The following STEAP2 variants were observed in gnomAD, a reference collection of about 807,000 sequenced individuals.
STEAP2 encodes STEAP2 metalloreductase.
Under a neutral mutation model 46.4 loss-of-function variants are expected in STEAP2, and 30 were observed. The observed-to-expected ratio is 0.65, with a 90% confidence interval of 0.48 to 0.88. The LOEUF (loss-of-function observed/expected upper bound fraction) is 0.88, where lower values mean the gene tolerates loss of function less well. Among genes scored for constraint, STEAP2 ranks in the 40% least tolerant of loss-of-function variants. The probability of loss-of-function intolerance (pLI) is 0.00; values close to 1 mark genes in which losing one functional copy is unlikely to be tolerated. For missense variants in STEAP2, 513 were observed against 579.3 expected, an observed-to-expected ratio of 0.89 and a Z score of 1.18; for synonymous variants, 180 against 200.5, an observed-to-expected ratio of 0.90 and a Z score of 0.86.
In STEAP2 at chr7:90,234,907, C is replaced by A. The variant is rs17869231; in HGVS notation, c.*2283C>A. 1.1e-3 allele frequency: 1,116 copies of A among 985,060 alleles called. 8 individuals are homozygous for A. The African/African-American group carries it at 0.019, about 16-fold the overall frequency. 61.0% of individuals were successfully genotyped at this position (985,060 alleles called of 1,614,324 possible). A position where few individuals can be genotyped will look rare whatever the true frequency, so the allele number is the denominator to read the frequency against. ...TATTTTCTTTATTTTAATAATATTT[C>A]TCCCCACTTGAGAATCACTTGTTAG... is the stretch of plus-strand genomic sequence containing the variant. On this transcript the variant is annotated 3_prime_UTR_variant, in exon 6 of 6. Transcript: ENST00000394621.
intron 2 of STEAP2, among the ~76,000 whole-genome samples, chr7:90,217,737 C>T (rs1584226536): frequency 7.0e-6 from 1 of 142,850 alleles, no homozygotes; most frequent in Non-Finnish European, 1.5e-5. Flanking sequence ...CATGTGAGGA[C>T]GGGTATCTCT....
rs756739557 is a variant in STEAP2 at position 90,234,004 on chromosome 7, G to A, written c.*1380G>A. 193 of 985,172 alleles carry A rather than the reference G, an allele frequency of 2.0e-4. No individual in the cohort carries two copies. Among genetic ancestry groups the A allele is most frequent in the Non-Finnish European group, 2.2e-4 (182 of 829,922 alleles). 61.0% of individuals were successfully genotyped at this position (985,172 alleles called of 1,614,324 possible). On this transcript the variant is annotated 3_prime_UTR_variant, in exon 6 of 6. Transcript: ENST00000394621. ...CCATATGCCTCCCTATGCAGTGAAG[G>A]GCCCTAGCAGTGTTAACAAATTGCT... is the stretch of plus-strand genomic sequence containing the variant.
At chr7:90,214,972 G>C (rs772616192) in intron 1 of STEAP2, among the ~76,000 whole-genome samples, 1 of 152,096 alleles carries the variant, frequency 6.6e-6, no homozygotes, top group African/African-American at 2.4e-5. Context: ...TAGCTATTAG[G>C]GTAGAGAGGA....
intron 2 of STEAP2, among the ~76,000 whole-genome samples, chr7:90,221,036 G>A (rs1266796154): frequency 6.6e-6 from 1 of 152,074 alleles, no homozygotes; most frequent in East Asian, 1.9e-4. Context: ...CTTATTTTGT[G>A]TTCTAACATG....
Position 90,225,200 on chromosome 7 carries a change from G to A in STEAP2, c.118G>A (p.Asp40Asn). ...KVTVGVIGSG[D>N]FAKSLTIRLI... ...CACTGTAGGTGTGATTGGAAGTGGA[G>A]ATTTTGCCAAATCCTTGACCATTCG... Residue 40 changes from aspartate (D) to asparagine (N), a missense_variant, in exon 3 of 6, where the codon GAT (aspartate) becomes AAT (asparagine). Physicochemically the swap from Asp to Asn is conservative, Grantham distance 23 (BLOSUM62 1). Transcript: ENST00000394621. 8.7e-6 allele frequency: 14 copies of A among 1,613,996 alleles called. No homozygotes were observed. Among genetic ancestry groups the A allele is most frequent in the Non-Finnish European group, 1.2e-5 (14 of 1,179,924 alleles).
At chr7:90,222,111 T>G (rs1157969950) in intron 2 of STEAP2, among the ~76,000 whole-genome samples, 1 of 152,122 alleles carries the variant, frequency 6.6e-6, no homozygotes, top group Non-Finnish European at 1.5e-5. Context: ...TCGAATGAAG[T>G]GAGCATGGAT....
Position 90,233,415 on chromosome 7 carries a change from A to G in STEAP2, c.*791A>G, listed in dbSNP as rs1795838370. 1 of 985,150 alleles carries G rather than the reference A, an allele frequency of 1.0e-6. No individual in the cohort carries two copies. Among genetic ancestry groups the G allele is most frequent in the South Asian group, 4.7e-5 (1 of 21,282 alleles). The allele number at this position is 985,150 out of a possible 1,614,324, so 61.0% of individuals were successfully genotyped here. A position where few individuals can be genotyped will look rare whatever the true frequency, so the allele number is the denominator to read the frequency against. ...ATACGGTACCAATCCTAGGAACTGT[A>G]TACTAGTTCCTACTTAGAACAAAAG... On this transcript the variant is annotated 3_prime_UTR_variant, in exon 6 of 6. Transcript: ENST00000394621.
rs111538030 is a variant in STEAP2, at chr7:90,226,825, T to C, written c.493-146T>C. On this transcript the variant is annotated intron_variant, in intron 3 of 5. Transcript: ENST00000394621. ...TGTAGGCTTTCAAACTATTGAAATC[T>C]GTTAGATACTATAATATAGCTGAAA... The C allele has an allele frequency of 8.0e-5, 59 of 738,358 alleles. 1 individual carries two copies. The African/African-American group carries it at 9.3e-4, about 12-fold the overall frequency. The allele number at this position is 738,358 out of a possible 1,614,324, so 45.7% of individuals were successfully genotyped here.
intron 5 of STEAP2, among the ~76,000 whole-genome samples, chr7:90,230,414 G>C (rs1176238061): frequency 6.6e-6 from 1 of 151,916 alleles, no homozygotes; most frequent in Non-Finnish European, 1.5e-5. Flanking sequence ...ATCTTGATTT[G>C]TCCAGAAAAA....
rs1405014549 is a variant in STEAP2 at position 90,237,132 on chromosome 7, T to A, written c.*4508T>A. ...GATATAACAGGAGCCCTGGCAGCTG[T>A]CTCCAGAGGATCAAAGCCACACCCA... On this transcript the variant is annotated 3_prime_UTR_variant, in exon 6 of 6. Coordinates refer to ENST00000394621, the MANE Select transcript of STEAP2 (RefSeq NM_001244944.2). The A allele has an allele frequency of 9.9e-6, 6 of 606,866 alleles. No individual in the cohort carries two copies. The highest frequency in any genetic ancestry group is 1.6e-5 in the Non-Finnish European group (6 of 366,384). The allele number at this position is 606,866 out of a possible 1,614,324, so 37.6% of individuals were successfully genotyped here.
chr7:90,238,128 A>G, downstream of STEAP2: 1 of 692,596 alleles, frequency 1.4e-6, no homozygotes, highest in Non-Finnish European at 2.7e-6. Flanking sequence ...TGTCCTAAAG[A>G]GTTTCTGCTG....
At position 90,213,447 on chromosome 7, in the gene STEAP2, A is replaced by G. The variant is rs1208910217; in HGVS notation, c.-147+1402A>G. Among the ~76,000 whole-genome samples, 3 of 152,348 alleles carry G rather than the reference A, an allele frequency of 2.0e-5. No homozygotes were observed. The East Asian group carries it at 5.8e-4, about 29-fold the overall frequency. The stretch of plus-strand genomic sequence containing the variant: ...GCAGGCGTGATAAAGGACATAGGAC[A>G]TCAGGAGATGTATTTATCCCTGCTG... On this transcript the variant is annotated intron_variant, in intron 1 of 5. Coordinates refer to ENST00000394621, the MANE Select transcript of STEAP2 (RefSeq NM_001244944.2).
intron 2 of STEAP2, among the ~76,000 whole-genome samples, chr7:90,217,167 T>A (rs1335766012): frequency 6.6e-6 from 1 of 152,244 alleles, no homozygotes; most frequent in Non-Finnish European, 1.5e-5. Context: ...GGGGTACACA[T>A]GAGTATTTGT....
chr7:90,212,704 A>G (rs1249265632), intron 1 of STEAP2, among the ~76,000 whole-genome samples: 2 of 152,168 alleles, frequency 1.3e-5, no homozygotes, highest in Non-Finnish European at 2.9e-5. Context: ...CCCGTGGAGA[A>G]GGATTGGTGT....
chr7:90,240,135 C>T (rs1332289908), downstream of STEAP2, among the ~76,000 whole-genome samples: 1 of 151,910 alleles, frequency 6.6e-6, no homozygotes, highest in African/African-American at 2.4e-5. The surrounding 1 kb of genome is among the most constrained non-coding windows in gnomAD (Gnocchi z 4.1). Context: ...TAGCCAGACA[C>T]GGTGGCACAC....
rs1795911256 is a variant in STEAP2, at chr7:90,234,958, A to G, written c.*2334A>G. The stretch of plus-strand genomic sequence containing the variant: ...TTCTTGGTAGGAATTCAGTTGGGCA[A>G]TGATAACTTTTATGGGCAAAAACAT... On this transcript the variant is annotated 3_prime_UTR_variant, in exon 6 of 6. Coordinates refer to ENST00000394621, the MANE Select transcript of STEAP2 (RefSeq NM_001244944.2). The G allele has an allele frequency of 4.1e-6, 4 of 981,686 alleles. No individual in the cohort carries two copies. The highest frequency in any genetic ancestry group is 4.8e-6 in the Non-Finnish European group (4 of 826,536). The allele number at this position is 981,686 out of a possible 1,614,324, so 60.8% of individuals were successfully genotyped here. A position where few individuals can be genotyped will look rare whatever the true frequency, so the allele number is the denominator to read the frequency against.
chr7:90,223,520 G>A (rs958817361), intron 2 of STEAP2, among the ~76,000 whole-genome samples: 10 of 152,208 alleles, frequency 6.6e-5, no homozygotes, highest in Non-Finnish European at 1.2e-4. Flanking sequence ...ATGTCATAGC[G>A]ATGGTGGTGA....
chr7:90,223,576 G>A (rs951855352), intron 2 of STEAP2, among the ~76,000 whole-genome samples: 2 of 152,206 alleles, frequency 1.3e-5, no homozygotes, highest in Non-Finnish European at 2.9e-5. Flanking sequence ...AACAAGTGAA[G>A]TTATATGCTT....
chr7:90,228,031 G>A (rs1372129648), intron 4 of STEAP2, among the ~76,000 whole-genome samples: 4 of 151,946 alleles, frequency 2.6e-5, no homozygotes, highest in African/African-American at 9.7e-5. Flanking sequence ...CAAAGCTCTT[G>A]TTATCAAAAA....
Sources: allele counts gnomAD v4.1 joint callset (sites outside exome capture counted in the v4.1 genomes callset), GRCh38; gene constraint gnomAD v4.1.1; non-coding constraint Gnocchi (gnomAD v3.1); transcripts MANE v1.5; gene names NCBI Gene and HGNC (gene_info 2026-07-23, HGNC 2026-07-21).